The following SLC8A1 variants were observed in gnomAD, a reference collection of about 807,000 sequenced individuals.
SLC8A1 encodes the protein solute carrier family 8 member A1.
In SLC8A1, 18 loss-of-function variants were observed where a neutral mutation model predicts 68.3. That is an observed-to-expected ratio of 0.26 (90% CI 0.18 to 0.39). SLC8A1 has a LOEUF of 0.39. Among genes scored for constraint, SLC8A1 ranks in the 10% least tolerant of loss-of-function variants. The pLI is 1.00. For synonymous variants in SLC8A1, 475 were observed against 415.5 expected (o/e 1.14, Z -1.74); for missense variants, 985 against 1,156.7 (o/e 0.85, Z 2.15).
chr2:40,398,829 A>G (rs1049507506), intron 2 of SLC8A1, among the ~76,000 whole-genome samples: 1 of 152,140 alleles, frequency 6.6e-6, no homozygotes, highest in African/African-American at 2.4e-5. Context: ...AACTGCTACT[A>G]CCCAGTTTGA....
intron 2 of SLC8A1, among the ~76,000 whole-genome samples, chr2:40,195,427 G>C (rs2052775017): frequency 6.6e-6 from 1 of 151,958 alleles, no homozygotes; most frequent in African/African-American, 2.4e-5. Flanking sequence ...GAGTGGGGCT[G>C]AGAAAATTGG....
At chr2:40,117,392 CAAAAAAAA>C (rs70957144) in intron 7 of SLC8A1, among the ~76,000 whole-genome samples, 3 of 58,742 alleles carry the variant, frequency 5.1e-5, no homozygotes, top group Non-Finnish European at 9.2e-5. Context: ...ACTAAAAATA[CAAAAAAAA>C]AAAAAAAAAA....
chr2:40,199,340 G>A (rs1238301908), intron 2 of SLC8A1, among the ~76,000 whole-genome samples: 1 of 151,602 alleles, frequency 6.6e-6, no homozygotes, highest in African/African-American at 2.4e-5. Flanking sequence ...CTTGGCAGGC[G>A]TGGTCTTCCT....
At chr2:40,247,798 C>T (rs13020168) in intron 2 of SLC8A1, among the ~76,000 whole-genome samples, 2,775 of 152,258 alleles carry the variant, frequency 0.018, 36 homozygotes, top group Middle Eastern at 0.065. Flanking sequence ...CCAGTAGAAA[C>T]CCAATATGCA....
chr2:40,163,903 A>T (rs1033642401), intron 5 of SLC8A1, among the ~76,000 whole-genome samples: 1 of 152,258 alleles, frequency 6.6e-6, no homozygotes, highest in Non-Finnish European at 1.5e-5. Context: ...GGGGACTATT[A>T]TGAGAAGTCC....
intron 1 of SLC8A1, among the ~76,000 whole-genome samples, chr2:40,476,968 A>C (rs570672317): frequency 1.0e-3 from 159 of 152,340 alleles, no homozygotes; most frequent in Non-Finnish European, 1.4e-3. Flanking sequence ...TCAGTAAATC[A>C]ATGAATAAGA....
intron 3 of SLC8A1, chr2:40,176,077 C>A: frequency 5.0e-6 from 2 of 400,536 alleles, no homozygotes; most frequent in South Asian, 1.8e-5. Flanking sequence ...GTGCTTTAAG[C>A]CCAGAATGTA....
chr2:40,475,422 C>A (rs1163772926), intron 1 of SLC8A1, among the ~76,000 whole-genome samples: 1 of 151,984 alleles, frequency 6.6e-6, no homozygotes, highest in African/African-American at 2.4e-5. Context: ...CATGAGCCAC[C>A]GTGCCCGGCC....
chr2:40,256,784 A>G (rs2063996364), intron 2 of SLC8A1, among the ~76,000 whole-genome samples: 2 of 152,214 alleles, frequency 1.3e-5, no homozygotes, highest in Non-Finnish European at 2.9e-5. Flanking sequence ...AGGATGCCTG[A>G]GGCCAAGGGT....
rs540682232 is a variant in SLC8A1 at position 40,493,761 on chromosome 2, T to A, written c.-25+18588A>T. 3.7e-3 allele frequency among the ~76,000 whole-genome samples: 568 copies of A among 151,582 alleles called. 2 individuals carry two copies. Among genetic ancestry groups the A allele is most frequent in the Non-Finnish European group, 6.4e-3 (436 of 67,868 alleles). Reference sequence around the variant, plus strand: ...CCTCTGCCTCCCAGATTCAAGCAATTCTCCTGCCTCAGCCTCCTGAGTAGC... The same window carrying A: ...CCTCTGCCTCCCAGATTCAAGCAATACTCCTGCCTCAGCCTCCTGAGTAGC... On this transcript the variant is annotated intron_variant, in intron 1 of 7. Transcript: ENST00000402441.
At chr2:40,269,311 G>GCCAATGCTTTTGTTAATA (rs2065737903) in intron 2 of SLC8A1, among the ~76,000 whole-genome samples, 1 of 152,052 alleles carries the variant, frequency 6.6e-6, no homozygotes, top group Admixed American at 6.6e-5. Context: ...TGGTATTAAG[G>GCCAATGCTTTTGTTAATA]CCAATGCTTT....
Position 40,178,380 on chromosome 2 carries a change from C to T in SLC8A1, c.1809-525G>A, listed in dbSNP as rs751014158. The T allele has an allele frequency of 1.1e-5, 17 of 1,611,336 alleles. No homozygotes were observed. Among genetic ancestry groups the T allele is most frequent in the South Asian group, 2.2e-5 (2 of 91,034 alleles). On this transcript the variant is annotated intron_variant, in intron 2 of 7. Transcript: ENST00000406785. ...TGTTGGGCTCAGCCCTGGAGCAGCT[C>T]CCCCACCTTTCTTCTCACTCATCTC...
At position 40,116,839 on chromosome 2, in the gene SLC8A1, T is replaced by C. The variant is rs1478053915; in HGVS notation, c.2438-1210A>G. On this transcript the variant is annotated intron_variant, in intron 7 of 7. Coordinates refer to ENST00000406785, the Ensembl canonical transcript of SLC8A1. The stretch of plus-strand genomic sequence containing the variant: ...TGATGATAGGAAAATCTTGGTCCAC[T>C]ACAGAAGGTTGAACAACAGTGACTT... 2.6e-5 allele frequency: 4 copies of C among 152,210 alleles called. No homozygotes were observed. In the East Asian group the frequency reaches 7.7e-4, roughly 29 times the overall value. 9.4% of individuals were successfully genotyped at this position (152,210 alleles called of 1,614,324 possible). A position where few individuals can be genotyped will look rare whatever the true frequency, so the allele number is the denominator to read the frequency against.
chr2:40,250,643 GT>G (rs1158459958), intron 2 of SLC8A1: 4 of 152,206 alleles, frequency 2.6e-5, no homozygotes, highest in African/African-American at 9.6e-5. Context: ...TGGTCATATT[GT>G]AGTGATCTGC....
intron 2 of SLC8A1, among the ~76,000 whole-genome samples, chr2:40,302,676 T>A (rs2071752210): frequency 6.6e-6 from 1 of 151,988 alleles, no homozygotes; most frequent in South Asian, 2.1e-4. Flanking sequence ...GTTTTTGCAG[T>A]TGCAAATTGT....
intron 7 of SLC8A1, among the ~76,000 whole-genome samples, chr2:40,127,206 T>C (rs1558453044): frequency 6.6e-6 from 1 of 152,182 alleles, no homozygotes. Flanking sequence ...GTAGACTCAG[T>C]TCAGTTATAG....
chr2:40,209,185 A>T (rs1279734131), intron 2 of SLC8A1: 2 of 152,152 alleles, frequency 1.3e-5, no homozygotes, highest in Admixed American at 1.3e-4. Context: ...GAGGTGAGAG[A>T]TGGCAGTTGA....
At chr2:40,304,410 T>C (rs1203002824) in intron 2 of SLC8A1, among the ~76,000 whole-genome samples, 1 of 152,130 alleles carries the variant, frequency 6.6e-6, no homozygotes, top group East Asian at 1.9e-4. Flanking sequence ...ATTACCACAT[T>C]ATCAAGTCCT....
rs35155626 is a variant in SLC8A1 at position 40,306,452 on chromosome 2, T to TGG, written c.1808+122019_1808+122020dup. Among the ~76,000 whole-genome samples, 184 of 145,566 alleles carry TGG rather than the reference T, an allele frequency of 1.3e-3. 3 individuals are homozygous for TGG. The highest frequency in any genetic ancestry group is 0.01 in the South Asian group (48 of 4,638). ...GGATAAATAAAAAAAGGAATGGTTGTGGGGGGGGGCATAGCGTGGAATATT... is the reference window on the plus strand; with the variant it reads ...GGATAAATAAAAAAAGGAATGGTTGTGGGGGGGGGGGCATAGCGTGGAATATT... On this transcript the variant is annotated intron_variant, in intron 2 of 7. Transcript: ENST00000406785.
Sources: gnomAD v4.1 joint callset for allele counts (sites outside exome capture counted in the v4.1 genomes callset) on GRCh38, gnomAD v4.1.1 for gene constraint, MANE v1.5 for transcripts, NCBI Gene and HGNC (gene_info 2026-07-23, HGNC 2026-07-21) for gene names.